The following PRKCE variants were observed in gnomAD, a reference collection of about 807,000 sequenced individuals.
PRKCE encodes the protein protein kinase C epsilon.
Under a neutral mutation model 85.4 loss-of-function variants are expected in PRKCE, and 16 were observed. The observed-to-expected ratio is 0.19, with a 90% CI of 0.13 to 0.28. The LOEUF (loss-of-function observed/expected upper bound fraction) is 0.28, where lower values mean the gene tolerates loss of function less well. Ranked by LOEUF, PRKCE falls within the 10% of genes least tolerant of loss-of-function variation. The pLI is 1.00. For synonymous variants in PRKCE, 388 were observed against 371.5 expected (o/e 1.04, Z -0.51); for missense variants, 573 against 975.2 (o/e 0.59, Z 5.49).
At chr2:45,846,667 T>G (rs554255933) in intron 2 of PRKCE, among the ~76,000 whole-genome samples, 1 of 152,308 alleles carries the variant, frequency 6.6e-6, no homozygotes, top group African/African-American at 2.4e-5. Context: ...GGGGTCAGTC[T>G]TCTCTGTGGG....
chr2:45,757,269 T>TGCACTC (rs1229297118), intron 1 of PRKCE, among the ~76,000 whole-genome samples: 1 of 122,418 alleles, frequency 8.2e-6, no homozygotes. Context: ...ATTGCACCAC[T>TGCACTC]GCACTCCAGC....
intron 1 of PRKCE, among the ~76,000 whole-genome samples, chr2:45,682,743 T>C (rs1447795326): frequency 3.3e-5 from 5 of 152,174 alleles, no homozygotes; most frequent in African/African-American, 1.2e-4. Context: ...TGTGCCACCA[T>C]GCCTGGCTAT....
chr2:46,004,196 G>T lies in PRKCE; in HGVS notation c.967-346G>T. ...CTTTTCCAGCTTGCTAACCTTTATG[G>T]TGTCCTCGCACAACCCGAACTACTT... On this transcript the variant is annotated intron_variant, in intron 7 of 14. Transcript: ENST00000306156. The surrounding 1 kb of genome is among the most constrained non-coding windows in gnomAD (Gnocchi z 4.1). The T allele has an allele frequency of 3.1e-6, 1 of 318,310 alleles. No individual in the cohort carries two copies. The highest frequency in any genetic ancestry group is 8.0e-5 in the East Asian group (1 of 12,478). The allele number at this position is 318,310 out of a possible 1,614,324, so 19.7% of individuals were successfully genotyped here.
At chr2:46,180,380 C>T (rs1361593940) in intron 14 of PRKCE, among the ~76,000 whole-genome samples, 1 of 152,152 alleles carries the variant, frequency 6.6e-6, no homozygotes, top group Admixed American at 6.5e-5. Flanking sequence ...GGACAAGCTC[C>T]TGAAGGGCCT....
intron 6 of PRKCE, among the ~76,000 whole-genome samples, chr2:45,997,764 C>G (rs1298131848): frequency 6.6e-6 from 1 of 152,160 alleles, no homozygotes; most frequent in Non-Finnish European, 1.5e-5. Context: ...CCAGGCTGGT[C>G]TCAAACTCCT....
chr2:45,919,570 C>T (rs1024650902), intron 2 of PRKCE, among the ~76,000 whole-genome samples: 3 of 152,226 alleles, frequency 2.0e-5, no homozygotes, highest in Non-Finnish European at 4.4e-5. Context: ...ACATTCTGTG[C>T]TGTTTGGCTC....
chr2:45,744,322 G>A (rs73926051), intron 1 of PRKCE, among the ~76,000 whole-genome samples: 30 of 152,082 alleles, frequency 2.0e-4, no homozygotes, highest in African/African-American at 6.3e-4. Flanking sequence ...CCTAGAGAAG[G>A]CAATGTTTTT....
chr2:45,805,878 C>T (rs977577746), intron 1 of PRKCE, among the ~76,000 whole-genome samples: 3 of 152,174 alleles, frequency 2.0e-5, no homozygotes, highest in Non-Finnish European at 4.4e-5. Context: ...GGATTACAGG[C>T]GTGAGCCACC....
intron 1 of PRKCE, among the ~76,000 whole-genome samples, chr2:45,817,442 C>T (rs1241734065): frequency 6.6e-6 from 1 of 152,048 alleles, no homozygotes. Flanking sequence ...GCTTGTAATC[C>T]CATCACTTTG....
rs1221225900 is a variant in PRKCE at position 45,905,483 on chromosome 2, G to A, written c.412+62420G>A. On this transcript the variant is annotated intron_variant, in intron 2 of 14. Coordinates refer to ENST00000306156, the MANE Select transcript of PRKCE (RefSeq NM_005400.3). The surrounding 1 kb of genome is among the most constrained non-coding windows in gnomAD (Gnocchi z 4.4). ...TGTTGATGGGCCATAGTAGACTATG[G>A]CTTTAATAATCAGGTAAAAAACACC... Among the ~76,000 whole-genome samples, 2 of 152,220 alleles carry A rather than the reference G, an allele frequency of 1.3e-5. No individual in the cohort carries two copies. Among genetic ancestry groups the A allele is most frequent in the Non-Finnish European group, 2.9e-5 (2 of 68,044 alleles).
At chr2:45,889,404 A>G (rs1250447085) in intron 2 of PRKCE, among the ~76,000 whole-genome samples, 1 of 152,204 alleles carries the variant, frequency 6.6e-6, no homozygotes, top group African/African-American at 2.4e-5. Context: ...GGGTGAGAGG[A>G]CACCTTCAAC....
chr2:46,166,056 G>A (rs747999150), intron 14 of PRKCE, among the ~76,000 whole-genome samples: 1 of 152,178 alleles, frequency 6.6e-6, no homozygotes, highest in African/African-American at 2.4e-5. Flanking sequence ...CTCATGATCC[G>A]TTTCCATCCA....
chr2:45,981,027 GTTC>G (rs1029371693), intron 5 of PRKCE, among the ~76,000 whole-genome samples: 1 of 152,212 alleles, frequency 6.6e-6, no homozygotes, highest in Admixed American at 6.5e-5. Context: ...CAGGCAGTTT[GTTC>G]TAAAGCCTGA....
chr2:46,047,428 C>T (rs921935418), intron 10 of PRKCE, among the ~76,000 whole-genome samples: 6 of 152,194 alleles, frequency 3.9e-5, no homozygotes, highest in Admixed American at 2.6e-4. Flanking sequence ...AAAAACACAT[C>T]GTGGAAGACA....
chr2:45,713,404 G>A (rs1217143141), intron 1 of PRKCE, among the ~76,000 whole-genome samples: 1 of 152,138 alleles, frequency 6.6e-6, no homozygotes, highest in Non-Finnish European at 1.5e-5. Context: ...ATTATGTCCT[G>A]TGTAGCTGCA....
chr2:45,930,173 T>C (rs1698932204), intron 2 of PRKCE, among the ~76,000 whole-genome samples: 1 of 152,138 alleles, frequency 6.6e-6, no homozygotes, highest in Non-Finnish European at 1.5e-5. Context: ...ACCCCACAAA[T>C]GAGGACATGA....
chr2:45,704,936 A>T (rs956998994), intron 1 of PRKCE, among the ~76,000 whole-genome samples: 1 of 152,204 alleles, frequency 6.6e-6, no homozygotes, highest in Non-Finnish European at 1.5e-5. Flanking sequence ...AGTAATTCTC[A>T]GCCCCTTTCC....
chr2:45,941,946 C>G (rs1006448661), intron 2 of PRKCE, among the ~76,000 whole-genome samples: 1 of 152,188 alleles, frequency 6.6e-6, no homozygotes, highest in African/African-American at 2.4e-5. Context: ...ACAGGAGAAT[C>G]AAGCAAGAGG....
chr2:45,975,518 G>C (rs61763795), intron 2 of PRKCE, among the ~76,000 whole-genome samples: 1,850 of 152,254 alleles, frequency 0.012, 24 homozygotes, highest in Middle Eastern at 0.051. Context: ...CATCATGGAG[G>C]CTCAACCCTC....
Sources: allele counts gnomAD v4.1 joint callset (sites outside exome capture counted in the v4.1 genomes callset), GRCh38; gene constraint gnomAD v4.1.1; non-coding constraint Gnocchi (gnomAD v3.1); transcripts MANE v1.5; gene names NCBI Gene and HGNC (gene_info 2026-07-23, HGNC 2026-07-21).